NBAS: variants seen among roughly 807,000 people sequenced by gnomAD.
The protein encoded by NBAS is NBAS subunit of NRZ tethering complex, also known as NAG/BC035112 fusion.
In NBAS, 219 loss-of-function variants were observed where a neutral mutation model predicts 302.5. That is an observed-to-expected ratio of 0.72 (90% CI 0.65 to 0.81). The LOEUF is 0.81. Ranked by LOEUF, NBAS falls within the 30% of genes least tolerant of loss-of-function variation. The probability of loss-of-function intolerance (pLI) is 0.00; values close to 1 mark genes in which losing one functional copy is unlikely to be tolerated. For synonymous variants in NBAS, 1,118 were observed against 1,021.6 expected (o/e 1.09, Z -1.80); for missense variants, 2,932 against 2,841.6 (o/e 1.03, Z -0.72).
chr2:14,916,024 C>G, the NBAS span, among the ~76,000 whole-genome samples: 162 of 152,224 alleles, frequency 1.1e-3, no homozygotes, highest in African/African-American at 3.6e-3. Flanking sequence ...TTGTAAATTG[C>G]CCAGTCTCAG....
the NBAS span, among the ~76,000 whole-genome samples, chr2:15,095,508 T>G: frequency 6.6e-6 from 1 of 152,144 alleles, no homozygotes; most frequent in Non-Finnish European, 1.5e-5. Context: ...CTCCCACCAG[T>G]TCCCTCCCAC....
At chr2:15,367,887 A>G (rs2148343124) in intron 31 of NBAS, among the ~76,000 whole-genome samples, 1 of 152,324 alleles carries the variant, frequency 6.6e-6, no homozygotes, top group Non-Finnish European at 1.5e-5. Context: ...TTAACAGATG[A>G]TTAATAATTT....
Position 15,356,209 on chromosome 2 carries a change from A to G in NBAS, c.3931+94T>C, listed in dbSNP as rs905938135. The G allele has an allele frequency of 1.1e-5, 11 of 1,045,598 alleles. No homozygotes were observed. The African/African-American group carries it at 1.6e-4, about 15-fold the overall frequency. The allele number at this position is 1,045,598 out of a possible 1,614,324, so 64.8% of individuals were successfully genotyped here. On this transcript the variant is annotated intron_variant, in intron 33 of 51. Transcript: ENST00000281513. Reference sequence around the variant, plus strand: ...TCTCAAGCCTCAATGTGGCTGGCTTACCAATCAGGTCAATTGATTTCAGAA... The same window carrying G: ...TCTCAAGCCTCAATGTGGCTGGCTTGCCAATCAGGTCAATTGATTTCAGAA...
At chr2:14,969,160 A>G in the NBAS span, among the ~76,000 whole-genome samples, 13 of 152,096 alleles carry the variant, frequency 8.5e-5, no homozygotes, top group Admixed American at 8.5e-4. Context: ...TTCTACAGAG[A>G]CAGAAAGTAG....
chr2:14,864,859 C>T, the NBAS span, among the ~76,000 whole-genome samples: 3 of 152,100 alleles, frequency 2.0e-5, no homozygotes, highest in Non-Finnish European at 4.4e-5. Context: ...TAGAACAGAA[C>T]CTGCCATGTA....
At chr2:14,987,268 C>A in the NBAS span, among the ~76,000 whole-genome samples, 1 of 151,960 alleles carries the variant, frequency 6.6e-6, no homozygotes, top group Non-Finnish European at 1.5e-5. Context: ...CTGAAATTAT[C>A]AAAGCACCAA....
chr2:15,294,490 G>A (rs1670457648), intron 40 of NBAS, among the ~76,000 whole-genome samples: 1 of 152,124 alleles, frequency 6.6e-6, no homozygotes, highest in Non-Finnish European at 1.5e-5. Context: ...TGCATCTATG[G>A]CTGACATTTA....
At chr2:14,936,194 C>T in the NBAS span, among the ~76,000 whole-genome samples, 1 of 152,156 alleles carries the variant, frequency 6.6e-6, no homozygotes, top group South Asian at 2.1e-4. Flanking sequence ...CAGGAAAAAC[C>T]ATAGCAGAAT....
chr2:15,314,759 C>A (rs1671431040), intron 38 of NBAS, among the ~76,000 whole-genome samples: 2 of 152,284 alleles, frequency 1.3e-5, no homozygotes, highest in South Asian at 2.1e-4. Flanking sequence ...ACAATAACAA[C>A]CATAAGCTGA....
At chr2:15,099,686 C>T in the NBAS span, among the ~76,000 whole-genome samples, 111 of 152,164 alleles carry the variant, frequency 7.3e-4, 2 homozygotes, top group East Asian at 0.014. Flanking sequence ...ACACGGGATC[C>T]TGTTGGGAAA....
intron 21 of NBAS, among the ~76,000 whole-genome samples, chr2:15,430,064 CCTT>C (rs1296156395): frequency 6.6e-6 from 1 of 152,022 alleles, no homozygotes; most frequent in East Asian, 1.9e-4. Context: ...AGACATGGCT[CCTT>C]AAGCTACATA....
chr2:15,369,965 T>A (rs188815241), intron 31 of NBAS, among the ~76,000 whole-genome samples: 1 of 152,136 alleles, frequency 6.6e-6, no homozygotes, highest in Non-Finnish European at 1.5e-5. Context: ...CCACAACATA[T>A]GAAGTTGCTA....
At chr2:14,875,513 G>A in the NBAS span, among the ~76,000 whole-genome samples, 1 of 152,118 alleles carries the variant, frequency 6.6e-6, no homozygotes, top group African/African-American at 2.4e-5. Context: ...CTACTCAGGA[G>A]GCTGAGGCAG....
chr2:15,167,131 AC>A lies in NBAS; in HGVS notation c.7032del (p.Ser2345LeufsTer6). 6.2e-7 allele frequency: 1 copy of A among 1,614,162 alleles called. No individual in the cohort carries two copies. On this transcript the variant is annotated frameshift_variant, in exon 52 of 52. Transcript: ENST00000281513. LOFTEE classifies it low-confidence loss of function (END_TRUNC). ...LREAGHEAEA[G>X]SLLLAVRGTH... ...GTCCCCCTCACGGCCAGAAGGAGAGACCCGGCTTCGGCTTCATGGCCGGCCT... is the reference window on the plus strand; with the variant it reads ...GTCCCCCTCACGGCCAGAAGGAGAGACCGGCTTCGGCTTCATGGCCGGCCT...
the NBAS span, among the ~76,000 whole-genome samples, chr2:14,918,916 A>G: frequency 2.0e-5 from 3 of 152,150 alleles, no homozygotes; most frequent in Admixed American, 6.5e-5. Flanking sequence ...GAACCAGGAC[A>G]GAAGGAATAG....
At chr2:15,512,095 G>A (rs574307304) in intron 9 of NBAS, among the ~76,000 whole-genome samples, 3 of 152,184 alleles carry the variant, frequency 2.0e-5, no homozygotes, top group Admixed American at 6.5e-5. Flanking sequence ...TGACAGTTCC[G>A]TTTACCTCCT....
At chr2:15,292,852 G>T in intron 40 of NBAS, 86 bp from the exon 41 acceptor site, 1 of 1,304,142 alleles carries the variant, frequency 7.7e-7, no homozygotes, top group Non-Finnish European at 1.1e-6. Flanking sequence ...GACCATGTCT[G>T]CAAGGAACTG....
intron 9 of NBAS, among the ~76,000 whole-genome samples, chr2:15,526,219 G>A (rs569224113): frequency 1.2e-4 from 18 of 152,004 alleles, no homozygotes; most frequent in Non-Finnish European, 1.8e-4. Context: ...GTTTAAGGAG[G>A]ACAAAATACA....
chr2:14,951,631 G>A, the NBAS span, among the ~76,000 whole-genome samples: 876 of 152,250 alleles, frequency 5.8e-3, 3 homozygotes, highest in Middle Eastern at 0.017. Flanking sequence ...CAAGAACTCC[G>A]CATTCCTCAT....
Sources: gnomAD v4.1 joint callset for allele counts (sites outside exome capture counted in the v4.1 genomes callset) on GRCh38, gnomAD v4.1.1 for gene constraint, MANE v1.5 for transcripts, NCBI Gene and HGNC (gene_info 2026-07-23, HGNC 2026-07-21) for gene names.